The following DMD variants were observed in gnomAD, a reference collection of about 807,000 sequenced individuals.
DMD encodes the protein dystrophin.
In DMD, 63 loss-of-function variants were observed where a neutral mutation model predicts 330.1. That is an observed-to-expected ratio of 0.19 (90% CI 0.16 to 0.24). The LOEUF is 0.24. Ranked by LOEUF, DMD falls within the 10% of genes least tolerant of loss-of-function variation. The probability of loss-of-function intolerance (pLI) is 1.00; values close to 1 mark genes in which losing one functional copy is unlikely to be tolerated. For missense variants in DMD, 3,344 were observed against 2,684.1 expected (o/e 1.25, Z -5.43); for synonymous variants, 1,223 against 959.8 (o/e 1.27, Z -5.07).
chrX:31,569,582 T>C (rs780182835), intron 55 of DMD, among the ~76,000 whole-genome samples: 76 of 89,665 alleles, frequency 8.5e-4, no homozygotes, highest in African/African-American at 2.9e-3. Context: ...TGTATATATA[T>C]AAAATATATA....
At chrX:31,602,760 G>A (rs1006563494) in intron 55 of DMD, among the ~76,000 whole-genome samples, 6 of 111,732 alleles carry the variant, frequency 5.4e-5, no homozygotes, top group African/African-American at 2.0e-4. Context: ...AAAGATGAGG[G>A]TATGAAATTC....
At chrX:32,353,951 T>G (rs2097790189) in intron 37 of DMD, among the ~76,000 whole-genome samples, 1 of 111,758 alleles carries the variant, frequency 8.9e-6, no homozygotes, top group South Asian at 3.7e-4. Flanking sequence ...TAAAGCTGAA[T>G]TTTATAACAA....
chrX:32,609,731 T>C (rs1345804707), intron 12 of DMD, among the ~76,000 whole-genome samples: 1 of 111,424 alleles, frequency 9.0e-6, no homozygotes, highest in Non-Finnish European at 1.9e-5. Context: ...TCTAAGAGGC[T>C]ACTTAGTTTG....
At chrX:31,995,868 G>A (rs1358367830) in intron 44 of DMD, among the ~76,000 whole-genome samples, 4 of 111,937 alleles carry the variant, frequency 3.6e-5, no homozygotes. Flanking sequence ...TCAAGACCTC[G>A]TTTATTTGTT....
intron 12 of DMD, among the ~76,000 whole-genome samples, chrX:32,610,900 G>C (rs1009212787): frequency 4.5e-5 from 5 of 110,875 alleles, no homozygotes; most frequent in Non-Finnish European, 9.5e-5. Flanking sequence ...GCTGCAAAGC[G>C]ATTCAACGAC....
In DMD at chrX:32,259,650, T is replaced by G. The variant is rs991843468; in HGVS notation, c.6290+27879A>C. Among the ~76,000 whole-genome samples the G allele has an allele frequency of 6.3e-5, 7 of 111,612 alleles. No individual in the cohort carries two copies. The Admixed American group carries it at 6.7e-4, about 11-fold the overall frequency. On this transcript the variant is annotated intron_variant, in intron 43 of 78. Coordinates refer to ENST00000357033, the MANE Select transcript of DMD (RefSeq NM_004006.3). The stretch of plus-strand genomic sequence containing the variant: ...GCATGAATGACTATTCAATACATTT[T>G]TATTGAACATCCATCGAGTTCGTTG...
At chrX:31,956,480 G>T (rs970500442) in intron 45 of DMD, among the ~76,000 whole-genome samples, 1 of 111,443 alleles carries the variant, frequency 9.0e-6, no homozygotes, top group Non-Finnish European at 1.9e-5. Context: ...GTAAAGCAAG[G>T]AGTGTCATCA....
intron 50 of DMD, among the ~76,000 whole-genome samples, chrX:31,810,292 T>G: frequency 9.0e-6 from 1 of 111,015 alleles, no homozygotes; most frequent in Middle Eastern, 4.7e-3. Context: ...ACGTTAAAAA[T>G]TTGAGAAACA....
intron 44 of DMD, among the ~76,000 whole-genome samples, chrX:32,196,855 C>G (rs965233442): frequency 3.4e-4 from 37 of 108,504 alleles, no homozygotes; most frequent in Middle Eastern, 4.8e-3. Flanking sequence ...GCGTGGTAGC[C>G]AGCGCCTGTA....
chrX:31,365,565 T>C (rs1268627285), intron 60 of DMD, among the ~76,000 whole-genome samples: 2 of 112,174 alleles, frequency 1.8e-5, no homozygotes, highest in African/African-American at 6.5e-5. Context: ...GATTTGGCCA[T>C]TTGATAGAGG....
chrX:32,513,569 G>A (rs1322493859), intron 18 of DMD, among the ~76,000 whole-genome samples: 2 of 111,974 alleles, frequency 1.8e-5, no homozygotes. Context: ...AAAAATCTAG[G>A]TGACCCAGTT....
At chrX:32,037,934 C>T (rs970191866) in intron 44 of DMD, among the ~76,000 whole-genome samples, 1 of 111,589 alleles carries the variant, frequency 9.0e-6, no homozygotes, top group Non-Finnish European at 1.9e-5. Flanking sequence ...AGACATCTCA[C>T]AACTGAACTT....
At chrX:31,783,350 G>C (rs1393002573) in intron 50 of DMD, among the ~76,000 whole-genome samples, 2 of 111,686 alleles carry the variant, frequency 1.8e-5, no homozygotes, top group Admixed American at 1.9e-4. Context: ...ACAGAATTCA[G>C]TCTAAATCTC....
intron 22 of DMD, among the ~76,000 whole-genome samples, chrX:32,470,847 T>A (rs2040555479): frequency 8.9e-6 from 1 of 112,666 alleles, no homozygotes; most frequent in Non-Finnish European, 1.9e-5. Flanking sequence ...AAATTCTATG[T>A]GATAAAGTTT....
intron 9 of DMD, among the ~76,000 whole-genome samples, chrX:32,668,729 G>C (rs2061461649): frequency 9.2e-6 from 1 of 108,862 alleles, no homozygotes; most frequent in South Asian, 3.9e-4. Context: ...ATGCCATCTT[G>C]CTCTCTGATA....
At chrX:31,236,155 G>A (rs746011380) in intron 63 of DMD, among the ~76,000 whole-genome samples, 38 of 112,108 alleles carry the variant, frequency 3.4e-4, no homozygotes, top group Non-Finnish European at 6.8e-4. Flanking sequence ...GAACCATCAG[G>A]ACCAAAGTCA....
chrX:31,396,137 A>AT (rs773913224), intron 60 of DMD, among the ~76,000 whole-genome samples: 23,442 of 89,932 alleles, frequency 0.26, 2,907 homozygotes, highest in East Asian at 0.43. Context: ...AAAGATGACA[A>AT]TTTTTTTTTT....
chrX:33,249,551 G>A (rs1182905809), intron 1 of DMD, among the ~76,000 whole-genome samples: 1 of 111,463 alleles, frequency 9.0e-6, no homozygotes, highest in African/African-American at 3.3e-5. Flanking sequence ...GATTTGATTG[G>A]GATATTACTT....
intron 44 of DMD, among the ~76,000 whole-genome samples, chrX:32,182,063 A>G (rs775710901): frequency 8.9e-6 from 1 of 112,246 alleles, no homozygotes; most frequent in Non-Finnish European, 1.9e-5. Flanking sequence ...ATGACAGCAC[A>G]CCTAAAATGG....
Sources: allele counts gnomAD v4.1 joint callset (sites outside exome capture counted in the v4.1 genomes callset), GRCh38; gene constraint gnomAD v4.1.1; transcripts MANE v1.5; gene names NCBI Gene and HGNC (gene_info 2026-07-23, HGNC 2026-07-21).